Variants in FPGS observed in about 807,000 individuals in gnomAD.
FPGS encodes folylpolyglutamate synthase.
FPGS carries 53 observed loss-of-function variants against 66.5 expected under a neutral mutation model. The observed-to-expected ratio is 0.80, with a 90% CI of 0.64 to 1.00. FPGS has a LOEUF of 1.00. Among genes scored for constraint, FPGS ranks in the 50% least tolerant of loss-of-function variants. The pLI is 0.00. For missense variants in FPGS, 702 were observed against 807.7 expected (o/e 0.87, Z 1.59); for synonymous variants, 348 against 350.9 (o/e 0.99, Z 0.09).
chr9:127,804,688 C>T lies in FPGS; in HGVS notation c.374C>T (p.Thr125Met), dbSNP rs868817861. 10 of 1,613,968 alleles carry T rather than the reference C, an allele frequency of 6.2e-6. No individual in the cohort carries two copies. Among genetic ancestry groups the T allele is most frequent in the Non-Finnish European group, 8.5e-6 (10 of 1,179,976 alleles). Reference protein sequence around the residue: ...ECILRSYGLKTGFFSSPHLVQ... With the variant: ...ECILRSYGLKMGFFSSPHLVQ... ...ATCCTCCGAAGCTATGGCCTGAAGA[C>T]GGGATTCTTTAGGTACTGGCTTGTG... The change falls in exon 4 of 15, where the codon ACG (threonine) becomes ATG (methionine). Residue 125 changes from threonine to methionine, a missense_variant. Physicochemically the swap from Thr to Met is moderately conservative, Grantham distance 81. Around this residue, in one of 3 missense-constraint regions of FPGS, gnomAD observed 240 missense variants for 348.6 expected, o/e 0.69. Coordinates refer to ENST00000373247, the MANE Select transcript of FPGS (RefSeq NM_004957.6).
rs1260572268 is a variant in FPGS, at chr9:127,811,028, A to C, written c.1354+17A>C. On this transcript the variant is annotated intron_variant, in intron 14 of 14. Coordinates refer to ENST00000373247, the MANE Select transcript of FPGS (RefSeq NM_004957.6). ...GCAACGCAGGTGAGAGGTGACAGGC[A>C]TGGCCCCTGGGGATGAGCAGGGGTC... 6.4e-6 allele frequency: 10 copies of C among 1,554,014 alleles called. No homozygotes were observed. Among genetic ancestry groups the C allele is most frequent in the South Asian group, 2.3e-5 (2 of 85,770 alleles).
downstream of FPGS, chr9:127,814,143 G>T (rs1253432238): frequency 8.1e-6 from 8 of 986,096 alleles, no homozygotes; most frequent in Admixed American, 3.7e-4. Context: ...TCAGGGACCT[G>T]CACTGTGTAG....
In FPGS at chr9:127,804,660, T is replaced by A; in HGVS notation, c.346T>A (p.Cys116Ser). 6.2e-7 allele frequency: 1 copy of A among 1,614,122 alleles called. No homozygotes were observed. Among genetic ancestry groups the A allele is most frequent in the Non-Finnish European group, 8.5e-7 (1 of 1,180,030 alleles). The change falls in exon 4 of 15, where the codon TGT (cysteine) becomes AGT (serine). Residue 116 changes from cysteine to serine, a missense_variant. Physicochemically the swap from Cys to Ser is moderately radical, Grantham distance 112. Transcript: ENST00000373247. ...GKGSTCAFTE[C>S]ILRSYGLKTG... is the part of the protein sequence containing the mutation. ...GGGCTCCACCTGTGCCTTCACGGAA[T>A]GTATCCTCCGAAGCTATGGCCTGAA...
At position 127,813,859 on chromosome 9, in the gene FPGS, CT is replaced by C. The variant is rs1830199717; in HGVS notation, c.*256del. The C allele has an allele frequency of 4.1e-6, 5 of 1,227,810 alleles. No homozygotes were observed. The highest frequency in any genetic ancestry group is 8.7e-5 in the Admixed American group (2 of 23,114). The allele number at this position is 1,227,810 out of a possible 1,614,324, so 76.1% of individuals were successfully genotyped here. On this transcript the variant is annotated 3_prime_UTR_variant, in exon 15 of 15. Coordinates refer to ENST00000373247, the MANE Select transcript of FPGS (RefSeq NM_004957.6). ...TGTTGCAGTGGCCTGGCCGTTCAGC[CT>C]GTCTCCCCCAACACCCCGCCTGCCT...
intron 4 of FPGS, chr9:127,806,696 G>T (rs1452859960): frequency 2.1e-6 from 1 of 478,244 alleles, no homozygotes; most frequent in Non-Finnish European, 3.8e-6. Flanking sequence ...GTATGGGACT[G>T]TTGGAGCCCA....
rs1830009469 is a variant in FPGS at position 127,810,102 on chromosome 9, T to A, written c.1283T>A (p.Leu428Gln). 2 of 1,612,770 alleles carry A rather than the reference T, an allele frequency of 1.2e-6. No individual in the cohort carries two copies. Among genetic ancestry groups the A allele is most frequent in the Non-Finnish European group, 1.7e-6 (2 of 1,179,664 alleles). ...DRDPAALLKLLQPCQFDYAVF... is the reference protein window; with the variant it reads ...DRDPAALLKLQQPCQFDYAVF... ...GACCCGGCGGCCCTGCTGAAGCTGC[T>A]GCAGGTGAGGGGCCAACTTGGGGGT... Residue 428 changes from leucine (L) to glutamine (Q), a missense_variant, in exon 13 of 15, where the codon CTG becomes CAG. Physicochemically the swap from Leu to Gln is moderately radical, Grantham distance 113 (BLOSUM62 -2). Transcript: ENST00000373247.
At chr9:127,812,488 A>G (rs750130338) in intron 14 of FPGS, among the ~76,000 whole-genome samples, 4 of 148,848 alleles carry the variant, frequency 2.7e-5, no homozygotes, top group Non-Finnish European at 5.9e-5. Context: ...ACGCCACTAC[A>G]CCCGGCTAAT....
At chr9:127,803,085 AGCGGG>A (rs1829667180) in intron 1 of FPGS, 23 bp downstream of exon 1, 4 of 1,371,948 alleles carry the variant, frequency 2.9e-6, no homozygotes, top group Non-Finnish European at 2.8e-6. Flanking sequence ...CCAGCGGGCC[AGCGGG>A]CCTGGGCGCG....
chr9:127,811,630 C>T (rs1245928342), intron 14 of FPGS, among the ~76,000 whole-genome samples: 4 of 152,076 alleles, frequency 2.6e-5, no homozygotes, highest in African/African-American at 7.2e-5. Context: ...GGATTACAGG[C>T]GTGTGCCAAC....
intron 3 of FPGS, 28 bp downstream of exon 3, chr9:127,804,580 G>A (rs772079714): frequency 6.2e-7 from 1 of 1,614,144 alleles, no homozygotes; most frequent in South Asian, 1.1e-5. Flanking sequence ...GGGGTAGGGG[G>A]TCTATTAAGT....
chr9:127,808,294 C>T lies in FPGS; in HGVS notation c.805C>T (p.Arg269Ter), dbSNP rs541013836. The change falls in exon 9 of 15, where the codon CGA (arginine) becomes TGA (stop). Residue 269 changes from arginine to a stop codon, truncating the protein, a stop_gained. Coordinates refer to ENST00000373247, the MANE Select transcript of FPGS (RefSeq NM_004957.6). LOFTEE classifies it high-confidence loss of function. The part of the protein sequence containing the change: ...PEGPLAVLRD[R>*]AQQISCPLYL... Reference sequence around the variant, plus strand: ...AGGTCCCCTGGCAGTGCTGAGGGACCGAGCCCAGCAGATCTCAGTAAGTCT... The same window carrying T: ...AGGTCCCCTGGCAGTGCTGAGGGACTGAGCCCAGCAGATCTCAGTAAGTCT... The T allele has an allele frequency of 5.6e-6, 9 of 1,613,718 alleles. No homozygotes were observed. The highest frequency in any genetic ancestry group is 6.8e-6 in the Non-Finnish European group (8 of 1,179,782).
rs1247765964 is a variant in FPGS at position 127,810,081 on chromosome 9, C to T, written c.1262C>T (p.Pro421Leu). 1 of 1,612,932 alleles carries T rather than the reference C, an allele frequency of 6.2e-7. No individual in the cohort carries two copies. The highest frequency in any genetic ancestry group is 2.2e-5 in the East Asian group (1 of 44,856). Residue 421 changes from proline to leucine, a missense_variant, in exon 13 of 15, where the codon CCG becomes CTG. By Grantham distance (98) the Pro-to-Leu change is moderately conservative. This residue lies in a region of FPGS where 351 missense variants were observed against 363.7 expected (regional missense o/e 0.97). Transcript: ENST00000373247. ...LLFNATGDRD[P>L]AALLKLLQPC... ...TTCAATGCTACCGGGGACCGGGACC[C>T]GGCGGCCCTGCTGAAGCTGCTGCAG...
In FPGS at chr9:127,810,037, C is replaced by A; in HGVS notation, c.1218C>A (p.Pro406=). 6.2e-7 allele frequency: 1 copy of A among 1,611,488 alleles called. No individual in the cohort carries two copies. Among genetic ancestry groups the A allele is most frequent in the Non-Finnish European group, 8.5e-7 (1 of 1,179,194 alleles). The change falls in exon 13 of 15, where the codon CCC becomes CCA. Residue 406 remains proline (P), a synonymous_variant. Coordinates refer to ENST00000373247, the MANE Select transcript of FPGS (RefSeq NM_004957.6). The part of the protein sequence containing the change: ...LQGRERPSGG[P]EVRVLLFNAT... ...CTCCTCACCTCTGTCGCAGTGGCCC[C>A]GAGGTTCGAGTCTTGCTCTTCAATG...
At chr9:127,814,236 C>T, downstream of FPGS, 2 of 811,656 alleles carry the variant, frequency 2.5e-6, no homozygotes, top group Non-Finnish European at 3.0e-6. Context: ...GAGAAGAAGA[C>T]CAGACTGAAG....
At chr9:127,803,198 T>A in intron 1 of FPGS, 136 bp downstream of exon 1, 2 of 961,720 alleles carry the variant, frequency 2.1e-6, no homozygotes, top group Non-Finnish European at 1.2e-6. Flanking sequence ...GGGCGGAACA[T>A]CCTGGAGGCT....
In FPGS at chr9:127,807,615, T is replaced by C. The variant is rs200054323; in HGVS notation, c.671T>C (p.Leu224Pro). ...RKPVVCGVSS[L>P]GIDHTSLLGD... ...CCTGTGGTGTGCGGAGTCTCCTCTCTTGGCATCGACCACACCAGCCTCCTG... is the reference window on the plus strand; with the variant it reads ...CCTGTGGTGTGCGGAGTCTCCTCTCCTGGCATCGACCACACCAGCCTCCTG... Residue 224 changes from leucine to proline, a missense_variant, in exon 8 of 15, where the codon CTT becomes CCT. Physicochemically the swap from Leu to Pro is moderately conservative, Grantham distance 98. Transcript: ENST00000373247. The surrounding 1 kb of genome is among the most constrained non-coding windows in gnomAD (Gnocchi z 5.8). The C allele has an allele frequency of 3.9e-5, 63 of 1,612,310 alleles. No homozygotes were observed. Among genetic ancestry groups the C allele is most frequent in the Non-Finnish European group, 2.5e-6 (3 of 1,179,454 alleles).
Position 127,808,884 on chromosome 9 carries a change from G to C in FPGS, c.1055G>C (p.Arg352Pro). The change falls in exon 11 of 15, where the codon CGG (arginine) becomes CCG (proline). Residue 352 changes from arginine (R) to proline (P), a missense_variant. By Grantham distance (103) the Arg-to-Pro change is moderately radical. This residue lies in a region of FPGS where 351 missense variants were observed against 363.7 expected (regional missense o/e 0.97). Coordinates refer to ENST00000373247, the MANE Select transcript of FPGS (RefSeq NM_004957.6). The part of the protein sequence containing the change: ...APVFQPTSHM[R>P]LGLRNTEWPG... Reference sequence around the variant, plus strand: ...GTGTTCCAGCCCACATCCCACATGCGGCTCGGTGAGTTAGACCTTCCTGCC... The same window carrying C: ...GTGTTCCAGCCCACATCCCACATGCCGCTCGGTGAGTTAGACCTTCCTGCC... 6.4e-7 allele frequency: 1 copy of C among 1,559,814 alleles called. No homozygotes were observed. Among genetic ancestry groups the C allele is most frequent in the Non-Finnish European group, 8.7e-7 (1 of 1,152,222 alleles).
intron 14 of FPGS, among the ~76,000 whole-genome samples, chr9:127,811,738 A>G (rs1208452425): frequency 6.6e-6 from 1 of 152,080 alleles, no homozygotes; most frequent in Non-Finnish European, 1.5e-5. Context: ...CACCCACCTC[A>G]GCCTCCCAAA....
intron 9 of FPGS, 32 bp from the exon 10 acceptor site, chr9:127,808,526 T>G (rs746125350): frequency 6.2e-7 from 1 of 1,610,598 alleles, no homozygotes; most frequent in Non-Finnish European, 8.5e-7. Context: ...AGGGAGGGCC[T>G]CTGCTGACCC....
Sources: gnomAD v4.1 joint callset for allele counts (sites outside exome capture counted in the v4.1 genomes callset) on GRCh38, gnomAD v4.1.1 for gene constraint, gnomAD v4.1.1 regional missense constraint, Gnocchi (gnomAD v3.1) non-coding constraint, MANE v1.5 for transcripts, NCBI Gene and HGNC (gene_info 2026-07-23, HGNC 2026-07-21) for gene names.